B4GALNT3: variants seen among roughly 807,000 people sequenced by gnomAD.
The protein encoded by B4GALNT3 is beta-1,4-N-acetyl-galactosaminyltransferase 3.
B4GALNT3 carries 86 observed loss-of-function variants against 120.2 expected under a neutral mutation model. The ratio of observed to expected loss-of-function variants is 0.72; its 90% CI spans 0.60 to 0.86. The LOEUF is 0.86. B4GALNT3 is among the 40% of genes least tolerant of loss of function. The probability of loss-of-function intolerance (pLI) is 0.00; values close to 1 mark genes in which losing one functional copy is unlikely to be tolerated. For synonymous variants in B4GALNT3, 518 were observed against 510.4 expected (o/e 1.01, Z -0.20); for missense variants, 1,167 against 1,298.9 (o/e 0.90, Z 1.56).
rs140119212 is a variant in B4GALNT3 at position 482,597 on chromosome 12, A to G, written c.169+22052A>G. Among the ~76,000 whole-genome samples the G allele has an allele frequency of 5.0e-3, 765 of 152,344 alleles. 6 individuals are homozygous for G. The highest frequency in any genetic ancestry group is 0.016 in the African/African-American group (675 of 41,568). On this transcript the variant is annotated intron_variant, in intron 1 of 19. Transcript: ENST00000266383. ...TTGTGGGGATTCGTCTGTATTTGGT[A>G]AAGAGAAAACCAAGGAAACCATTCA...
chr12:558,605 C>G lies in B4GALNT3; in HGVS notation c.2705C>G (p.Ala902Gly), dbSNP rs747329524. The G allele has an allele frequency of 1.2e-6, 2 of 1,614,064 alleles. No individual in the cohort carries two copies. The highest frequency in any genetic ancestry group is 8.5e-7 in the Non-Finnish European group (1 of 1,179,980). ...IRKHCVEGKM[A>G]FAPMVMRLHC... The stretch of plus-strand genomic sequence containing the variant: ...AAGCACTGTGTGGAGGGAAAGATGG[C>G]CTTTGCCCCCATGGTGATGAGGCTG... The change falls in exon 18 of 20, where the codon GCC becomes GGC. Residue 902 changes from alanine (A) to glycine (G), a missense_variant. Around this residue, in one of 3 missense-constraint regions of B4GALNT3, gnomAD observed 983 missense variants for 1,102.5 expected, o/e 0.89. Coordinates refer to ENST00000266383, the MANE Select transcript of B4GALNT3 (RefSeq NM_173593.4).
intron 1 of B4GALNT3, among the ~76,000 whole-genome samples, chr12:492,574 C>T (rs527287186): frequency 6.6e-6 from 1 of 152,302 alleles, no homozygotes; most frequent in East Asian, 1.9e-4. Context: ...CAATCCCAAT[C>T]AAAACCCCAG....
intron 1 of B4GALNT3, among the ~76,000 whole-genome samples, chr12:522,156 A>T (rs1946717044): frequency 6.6e-6 from 1 of 152,058 alleles, no homozygotes; most frequent in Non-Finnish European, 1.5e-5. Context: ...TGTGCAGTTT[A>T]AAAAAATGTG....
chr12:540,613 G>C (rs1021260129), intron 3 of B4GALNT3: 2 of 152,292 alleles, frequency 1.3e-5, no homozygotes, highest in Non-Finnish European at 2.9e-5. Flanking sequence ...GTTTTGATGT[G>C]GGTGGAGCAA....
intron 1 of B4GALNT3, among the ~76,000 whole-genome samples, chr12:510,451 G>T (rs545417555): frequency 7.4e-5 from 11 of 148,470 alleles, no homozygotes; most frequent in African/African-American, 2.0e-4. Flanking sequence ...CCATGGGGGG[G>T]TTGGACGCTG....
chr12:521,772 G>T (rs1279756618), intron 1 of B4GALNT3, among the ~76,000 whole-genome samples: 1 of 152,130 alleles, frequency 6.6e-6, no homozygotes, highest in East Asian at 1.9e-4. Context: ...CTAAGTTCCT[G>T]TACCGGCCTC....
rs142844192 is a variant in B4GALNT3, at chr12:515,273, C to T, written c.170-19893C>T. Among the ~76,000 whole-genome samples the T allele has an allele frequency of 1.7e-3, 260 of 152,240 alleles. 5 individuals carry two copies. In the East Asian group the frequency reaches 0.041, roughly 24 times the overall value. ...CAATCTTGGCTTACTGCAACCTCCA[C>T]CTCCCTGGGTTCAAGCGGTTCTCCT... On this transcript the variant is annotated intron_variant, in intron 1 of 19. Transcript: ENST00000266383.
In B4GALNT3 at chr12:556,754, C is replaced by A. The variant is rs774326996; in HGVS notation, c.2268C>A (p.Asp756Glu). Reference sequence around the variant, plus strand: ...GGAACCTGCAAGGCCTGGTCTGGGACCCACACAACCGTAGGAGACAGGTCC... The same window carrying A: ...GGAACCTGCAAGGCCTGGTCTGGGAACCACACAACCGTAGGAGACAGGTCC... ...EARNLQGLVW[D>E]PHNRRRQVLN... Residue 756 changes from aspartate (D) to glutamate (E), a missense_variant, in exon 15 of 20, where the codon GAC becomes GAA. Asp to Glu is a conservative substitution (Grantham distance 45). Coordinates refer to ENST00000266383, the MANE Select transcript of B4GALNT3 (RefSeq NM_173593.4). 34 of 1,612,606 alleles carry A rather than the reference C, an allele frequency of 2.1e-5. 1 individual carries two copies. The Admixed American group carries it at 5.7e-4, about 27-fold the overall frequency.
chr12:507,534 C>T (rs1946510012), intron 1 of B4GALNT3, among the ~76,000 whole-genome samples: 1 of 152,182 alleles, frequency 6.6e-6, no homozygotes, highest in Admixed American at 6.5e-5. Context: ...AGAAAAGGAG[C>T]CACGTGGCCT....
intron 1 of B4GALNT3, among the ~76,000 whole-genome samples, chr12:468,551 G>T (rs1379625436): frequency 6.6e-6 from 1 of 152,144 alleles, no homozygotes; most frequent in African/African-American, 2.4e-5. Flanking sequence ...ACTACCGAGA[G>T]AACAGCCGAG....
intron 1 of B4GALNT3, among the ~76,000 whole-genome samples, chr12:487,137 C>T (rs1946297211): frequency 6.6e-6 from 1 of 152,012 alleles, no homozygotes; most frequent in African/African-American, 2.4e-5. Flanking sequence ...ACTTTCAAAA[C>T]TGAAAAGCAC....
At chr12:472,401 C>A (rs1238995618) in intron 1 of B4GALNT3, among the ~76,000 whole-genome samples, 1 of 151,554 alleles carries the variant, frequency 6.6e-6, no homozygotes, top group Non-Finnish European at 1.5e-5. Context: ...CCACCTCAGC[C>A]TCCCAAGTAG....
chr12:543,834 G>A (rs1371555025), intron 3 of B4GALNT3, among the ~76,000 whole-genome samples: 1 of 136,042 alleles, frequency 7.4e-6, no homozygotes, highest in African/African-American at 2.8e-5. Context: ...GGATGGGCAT[G>A]GGGTGCTCAT....
chr12:467,516 G>A (rs1454588501), intron 1 of B4GALNT3, among the ~76,000 whole-genome samples: 3 of 152,140 alleles, frequency 2.0e-5, no homozygotes, highest in East Asian at 1.9e-4. Context: ...CCAAGATGGC[G>A]CCACTGCACT....
rs1422100975 is a variant in B4GALNT3 at position 556,859 on chromosome 12, C to T, written c.2373C>T (p.Val791=). Residue 791 remains valine, a synonymous_variant, in exon 15 of 20, where the codon GTC becomes GTT. Transcript: ENST00000266383. ...SWSHRAVVHF[V]VPVKNQARWV... is the part of the protein sequence containing the mutation. ...GTCACCGAGCCGTGGTCCACTTCGT[C>T]GTGCCTGGTGAGCCTCAAGCTGAGC... 1.2e-5 allele frequency: 19 copies of T among 1,602,822 alleles called. No individual in the cohort carries two copies. Among genetic ancestry groups the T allele is most frequent in the Admixed American group, 5.0e-5 (3 of 59,690 alleles).
In B4GALNT3 at chr12:553,536, T is replaced by A; in HGVS notation, c.1613T>A (p.Val538Glu). 6.2e-7 allele frequency: 1 copy of A among 1,613,938 alleles called. No individual in the cohort carries two copies. Among genetic ancestry groups the A allele is most frequent in the South Asian group, 1.1e-5 (1 of 91,090 alleles). The change falls in exon 14 of 20, where the codon GTG becomes GAG. Residue 538 changes from valine to glutamate, a missense_variant. By Grantham distance (121) the Val-to-Glu change is moderately radical. Transcript: ENST00000266383. The stretch of plus-strand genomic sequence containing the variant: ...GACAAGTGGCCTCCTGGGCACCCTG[T>A]GAAGAACCTGCCTCAGATGAGGGGG... Reference protein sequence around the residue: ...HSDKWPPGHPVKNLPQMRGPR... With the variant: ...HSDKWPPGHPEKNLPQMRGPR...
chr12:540,990 G>A (rs1411308546), intron 3 of B4GALNT3, among the ~76,000 whole-genome samples: 3 of 152,212 alleles, frequency 2.0e-5, no homozygotes, highest in South Asian at 2.1e-4. Flanking sequence ...TGATCCGCCC[G>A]CCTCAGCCTC....
intron 1 of B4GALNT3, among the ~76,000 whole-genome samples, chr12:479,874 G>A (rs1946218629): frequency 6.9e-6 from 1 of 145,810 alleles, no homozygotes; most frequent in Non-Finnish European, 1.5e-5. Context: ...GTTCTATTCA[G>A]AACTGACCAA....
chr12:543,590 C>T (rs533402621), intron 3 of B4GALNT3, among the ~76,000 whole-genome samples: 1 of 115,050 alleles, frequency 8.7e-6, no homozygotes, highest in Admixed American at 8.1e-5. Context: ...ATGGGGTGCT[C>T]ATCCTCCTGG....
Sources: allele counts gnomAD v4.1 joint callset (sites outside exome capture counted in the v4.1 genomes callset), GRCh38; gene constraint gnomAD v4.1.1; regional missense constraint gnomAD v4.1.1; transcripts MANE v1.5; gene names NCBI Gene and HGNC (gene_info 2026-07-23, HGNC 2026-07-21).